GNAS: variants seen among roughly 807,000 people sequenced by gnomAD.
GNAS encodes the protein GNAS complex locus, also known as protein ALEX.
Under a neutral mutation model 54.5 loss-of-function variants are expected in GNAS, and 8 were observed. The ratio of observed to expected loss-of-function variants is 0.15; its 90% confidence interval spans 0.09 to 0.26. GNAS has a LOEUF of 0.26. Among genes scored for constraint, GNAS ranks in the 10% least tolerant of loss-of-function variants. The probability of loss-of-function intolerance (pLI) is 1.00; values close to 1 mark genes in which losing one functional copy is unlikely to be tolerated. For synonymous variants in GNAS, 204 were observed against 191.4 expected (o/e 1.07, Z -0.54); for missense variants, 170 against 529.8 (o/e 0.32, Z 6.67).
At chr20:58,903,629 C>T (rs2146180607) in intron 4 of GNAS, 43 bp from the exon 5 acceptor site, 2 of 1,614,118 alleles carry the variant, frequency 1.2e-6, no homozygotes, top group Non-Finnish European at 8.5e-7. Flanking sequence ...AGCGCCCTCC[C>T]AGCCAGTGCT....
At chr20:58,896,476 T>G (rs1299296404) in intron 2 of GNAS, among the ~76,000 whole-genome samples, 1 of 152,060 alleles carries the variant, frequency 6.6e-6, no homozygotes, top group Non-Finnish European at 1.5e-5. Context: ...CAGGAGAGAC[T>G]TTGTATTAGA....
At chr20:58,868,212 G>A (rs2087184857) in intron 1 of GNAS, among the ~76,000 whole-genome samples, 1 of 152,052 alleles carries the variant, frequency 6.6e-6, no homozygotes, top group South Asian at 2.1e-4. Flanking sequence ...TAGTGATGGG[G>A]TTCTCCATGT....
At chr20:58,865,804 G>A (rs2087033126) in intron 1 of GNAS, among the ~76,000 whole-genome samples, 1 of 152,050 alleles carries the variant, frequency 6.6e-6, no homozygotes, top group African/African-American at 2.4e-5. Context: ...AACTAGAATA[G>A]AAAAGGAAAT....
chr20:58,865,166 C>T (rs2086984900), intron 1 of GNAS, among the ~76,000 whole-genome samples: 1 of 152,072 alleles, frequency 6.6e-6, no homozygotes, highest in South Asian at 2.1e-4. Context: ...GCCTGTAATC[C>T]TAGCACTTTG....
In GNAS at chr20:58,891,594, G is replaced by C. The variant is rs1318551600; in HGVS notation, c.-133G>C. The C allele has an allele frequency of 6.2e-6, 6 of 970,188 alleles. No individual in the cohort carries two copies. The highest frequency in any genetic ancestry group is 7.3e-6 in the Non-Finnish European group (6 of 822,480). The allele number at this position is 970,188 out of a possible 1,614,324, so 60.1% of individuals were successfully genotyped here. On this transcript the variant is annotated 5_prime_UTR_variant, in exon 1 of 13. Coordinates refer to ENST00000371085, the MANE Select transcript of GNAS (RefSeq NM_000516.7). Reference sequence around the variant, plus strand: ...CCGCGGCCCGCAGTCCGCCCCGCGCGCTCCTTGCCGAGGAGCCGAGCCCGC... The same window carrying C: ...CCGCGGCCCGCAGTCCGCCCCGCGCCCTCCTTGCCGAGGAGCCGAGCCCGC...
At chr20:58,871,418 C>T (rs895623059) in intron 1 of GNAS, among the ~76,000 whole-genome samples, 1 of 151,908 alleles carries the variant, frequency 6.6e-6, no homozygotes, top group Non-Finnish European at 1.5e-5. Flanking sequence ...AGTTCAAGAC[C>T]AGCCTGACTA....
intron 1 of GNAS, among the ~76,000 whole-genome samples, chr20:58,878,777 TTA>T (rs1298996653): frequency 1.3e-5 from 2 of 152,070 alleles, no homozygotes; most frequent in Non-Finnish European, 2.9e-5. Flanking sequence ...GAAAGCAACA[TTA>T]GGGTCCGGCA....
Position 58,899,665 on chromosome 20 carries a change from G to A in GNAS, c.257+680G>A, listed in dbSNP as rs7347670. 1.1e-3 allele frequency among the ~76,000 whole-genome samples: 165 copies of A among 150,050 alleles called. 3 individuals are homozygous for A. The East Asian group carries it at 0.015, about 14-fold the overall frequency. ...CCACACCCATCACACACACACACAC[G>A]CACACACATGCACATGCATACACAG... is the stretch of plus-strand genomic sequence containing the variant. On this transcript the variant is annotated intron_variant, in intron 3 of 12. Coordinates refer to ENST00000371085, the MANE Select transcript of GNAS (RefSeq NM_000516.7).
chr20:58,865,435 C>T (rs6100257), intron 1 of GNAS, among the ~76,000 whole-genome samples: 62,901 of 146,506 alleles, frequency 0.43, 16,047 homozygotes, highest in African/African-American at 0.71. Context: ...TATATATATA[C>T]ACATATATTT....
intron 1 of GNAS, among the ~76,000 whole-genome samples, chr20:58,885,330 G>C (rs779466069): frequency 6.6e-5 from 10 of 152,206 alleles, no homozygotes; most frequent in Non-Finnish European, 1.3e-4. Context: ...ATGCTTTTAA[G>C]TAGATGTTTG....
intron 1 of GNAS, chr20:58,854,100 G>C: frequency 6.2e-7 from 1 of 1,612,430 alleles, no homozygotes; most frequent in Non-Finnish European, 8.5e-7. Context: ...CTGGGTCCCA[G>C]GCGCCATCGG....
upstream of GNAS, chr20:58,889,348 T>C (rs1041642226): frequency 2.4e-5 from 24 of 985,226 alleles, no homozygotes; most frequent in Non-Finnish European, 2.5e-5. Context: ...TGCACCTCAC[T>C]CACATGTAAG....
chr20:58,898,715 C>T, intron 2 of GNAS: 1 of 625,992 alleles, frequency 1.6e-6, no homozygotes, highest in Middle Eastern at 4.3e-4. Flanking sequence ...TCTGTTAATA[C>T]TGCAGCAAAG....
intron 1 of GNAS, chr20:58,851,027 G>C: frequency 2.5e-6 from 1 of 397,942 alleles, no homozygotes; most frequent in Non-Finnish European, 4.4e-6. Flanking sequence ...GGAGTGAGTT[G>C]GTGTTGGGAC....
chr20:58,853,543 G>A lies in GNAS; in HGVS notation c.43+12657G>A. On this transcript the variant is annotated intron_variant, in intron 1 of 12. Transcript: ENST00000306090. This position sits in a 1 kb window ranked among gnomAD's most constrained non-coding sequence, Gnocchi z 4.4. ...TTCAGGGAAGCTGGAGCCCATGGAA[G>A]CTACAGCCCACCTCCTGAGGAAGCA... is the stretch of plus-strand genomic sequence containing the variant. The A allele has an allele frequency of 3.7e-6, 6 of 1,613,286 alleles. No individual in the cohort carries two copies. The highest frequency in any genetic ancestry group is 4.5e-5 in the East Asian group (2 of 44,882).
intron 1 of GNAS, chr20:58,884,279 A>T (rs1377731757): frequency 2.0e-5 from 3 of 152,266 alleles, no homozygotes; most frequent in Non-Finnish European, 2.9e-5. Context: ...AAACAAAATG[A>T]ATTGCCTGAT....
upstream of GNAS, among the ~76,000 whole-genome samples, chr20:58,890,395 C>T (rs2089070093): frequency 6.6e-6 from 1 of 151,596 alleles, no homozygotes; most frequent in South Asian, 2.1e-4. Context: ...GAGGACGACG[C>T]CTACTACGCG....
intron 1 of GNAS, among the ~76,000 whole-genome samples, chr20:58,893,251 AAAT>A (rs150640847): frequency 0.15 from 22,998 of 151,510 alleles, 2,787 homozygotes; most frequent in African/African-American, 0.34. Flanking sequence ...CTGATTAAAA[AAAT>A]AATAATAAAA....
rs2086277432 is a variant in GNAS at position 58,853,647 on chromosome 20, C to T, written c.43+12761C>T. The T allele has an allele frequency of 6.2e-7, 1 of 1,613,544 alleles. No individual in the cohort carries two copies. On this transcript the variant is annotated intron_variant, in intron 1 of 12. Coordinates refer to the GNAS transcript ENST00000306090. This position sits in a 1 kb window ranked among gnomAD's most constrained non-coding sequence, Gnocchi z 4.4. Reference sequence around the variant, plus strand: ...GCAGCCTGGATTCCCCAGTGGGGTCCATGCAGGCCTTGAGGCCTTCGGCCC... The same window carrying T: ...GCAGCCTGGATTCCCCAGTGGGGTCTATGCAGGCCTTGAGGCCTTCGGCCC...
Sources: gnomAD v4.1 joint callset for allele counts (sites outside exome capture counted in the v4.1 genomes callset) on GRCh38, gnomAD v4.1.1 for gene constraint, Gnocchi (gnomAD v3.1) non-coding constraint, MANE v1.5 for transcripts, NCBI Gene and HGNC (gene_info 2026-07-23, HGNC 2026-07-21) for gene names.